The following MUC7 variants were observed in gnomAD, a reference collection of about 807,000 sequenced individuals.
MUC7 encodes the protein mucin-7.
In MUC7, 2 loss-of-function variants were observed where a neutral mutation model predicts 2.5. The observed-to-expected ratio is 0.81, with a 90% CI of 0.33 to 2.55. MUC7 has a LOEUF of 2.55. Ranked by LOEUF, MUC7 falls within the 30% of genes most tolerant of loss-of-function variation. The pLI, the probability that MUC7 is intolerant of heterozygous loss-of-function variation, is 0.11. For synonymous variants in MUC7, 133 were observed against 173.4 expected (o/e 0.77, Z 1.83); for missense variants, 408 against 455.6 (o/e 0.90, Z 0.95).
chr4:70,440,867 C>A (rs1733985406), intron 1 of MUC7, among the ~76,000 whole-genome samples: 1 of 152,072 alleles, frequency 6.6e-6, no homozygotes. Flanking sequence ...AGGAAAAAGA[C>A]ATGCTCCCTC....
chr4:70,479,664 G>T (rs900224278), intron 2 of MUC7, among the ~76,000 whole-genome samples: 1 of 152,186 alleles, frequency 6.6e-6, no homozygotes, highest in Non-Finnish European at 1.5e-5. Context: ...CATGAAGTAT[G>T]TTTACAGATA....
intron 1 of MUC7, among the ~76,000 whole-genome samples, chr4:70,450,459 C>A (rs1185618570): frequency 6.6e-6 from 1 of 152,164 alleles, no homozygotes; most frequent in Non-Finnish European, 1.5e-5. Flanking sequence ...TGTGCTGGTA[C>A]CTAAGGTGCA....
chr4:70,450,467 G>A (rs1734253324), intron 1 of MUC7, among the ~76,000 whole-genome samples: 1 of 152,184 alleles, frequency 6.6e-6, no homozygotes, highest in South Asian at 2.1e-4. Context: ...TACCTAAGGT[G>A]CAAGATGAAG....
intron 1 of MUC7, among the ~76,000 whole-genome samples, chr4:70,439,726 A>G (rs76722801): frequency 0.071 from 10,756 of 152,142 alleles, 590 homozygotes; most frequent in East Asian, 0.21. Flanking sequence ...TTTCAATCAA[A>G]TAAGACTGTT....
chr4:70,433,832 GC>G (rs1455105980), intron 1 of MUC7, among the ~76,000 whole-genome samples: 2 of 152,138 alleles, frequency 1.3e-5, no homozygotes, highest in Non-Finnish European at 2.9e-5. Flanking sequence ...TCCAGTTTTT[GC>G]CCATTCAGTA....
At chr4:70,467,077 A>C (rs1734703217) in intron 1 of MUC7, among the ~76,000 whole-genome samples, 1 of 152,212 alleles carries the variant, frequency 6.6e-6, no homozygotes. Context: ...CCACAGTGCA[A>C]TCAAATTAGA....
chr4:70,475,491 G>A (rs558997011), intron 2 of MUC7, among the ~76,000 whole-genome samples: 12 of 152,208 alleles, frequency 7.9e-5, no homozygotes, highest in African/African-American at 2.6e-4. Context: ...AGAAAATGTA[G>A]GAAGTTTAGA....
At chr4:70,436,654 C>T (rs1465494716) in intron 1 of MUC7, among the ~76,000 whole-genome samples, 1 of 152,172 alleles carries the variant, frequency 6.6e-6, no homozygotes, top group East Asian at 1.9e-4. Flanking sequence ...GCTCCTTTAG[C>T]TCAGAGAAGT....
chr4:70,446,981 ATTT>A (rs753237864), intron 1 of MUC7, among the ~76,000 whole-genome samples: 2 of 142,284 alleles, frequency 1.4e-5, no homozygotes, highest in African/African-American at 5.2e-5. Context: ...CAAAAATAAC[ATTT>A]TACAAGAAAT....
intron 1 of MUC7, among the ~76,000 whole-genome samples, chr4:70,463,999 G>A (rs1734619853): frequency 2.7e-5 from 4 of 150,358 alleles, no homozygotes; most frequent in Non-Finnish European, 5.9e-5. Context: ...GCAGCTCCCA[G>A]TGAGATCAAC....
chr4:70,472,897 T>G (rs944365543), intron 1 of MUC7, among the ~76,000 whole-genome samples: 5 of 152,216 alleles, frequency 3.3e-5, no homozygotes, highest in African/African-American at 1.2e-4. Context: ...GTCTATATGA[T>G]TTAACCTTTA....
chr4:70,445,576 C>T (rs957490639), intron 1 of MUC7, among the ~76,000 whole-genome samples: 12 of 152,160 alleles, frequency 7.9e-5, no homozygotes, highest in Non-Finnish European at 1.5e-4. Flanking sequence ...CAGCACAGCA[C>T]CTAGTCCTCC....
chr4:70,447,926 G>GC (rs1186038038), intron 1 of MUC7, among the ~76,000 whole-genome samples: 1 of 151,982 alleles, frequency 6.6e-6, no homozygotes, highest in East Asian at 1.9e-4. Context: ...ATCCACACGT[G>GC]CCCCCAACTC....
intron 1 of MUC7, among the ~76,000 whole-genome samples, chr4:70,438,502 G>T (rs1424870303): frequency 1.3e-5 from 2 of 152,106 alleles, no homozygotes; most frequent in Non-Finnish European, 2.9e-5. Flanking sequence ...CTGTCACCAG[G>T]TTGGAGTGCA....
intron 1 of MUC7, among the ~76,000 whole-genome samples, chr4:70,434,281 T>A (rs924344788): frequency 1.3e-5 from 2 of 152,202 alleles, no homozygotes; most frequent in Admixed American, 1.3e-4. Context: ...ATTGGAATAG[T>A]TTCAGAAAGA....
At chr4:70,439,216 T>C (rs745867182) in intron 1 of MUC7, among the ~76,000 whole-genome samples, 7 of 152,168 alleles carry the variant, frequency 4.6e-5, no homozygotes, top group Non-Finnish European at 1.0e-4. Context: ...AGTGATGATA[T>C]TGGAGTAGAG....
intron 1 of MUC7, among the ~76,000 whole-genome samples, chr4:70,436,775 G>A (rs113861845): frequency 0.013 from 1,954 of 152,248 alleles, 44 homozygotes; most frequent in African/African-American, 0.044. Flanking sequence ...AGGAAAAGAG[G>A]CGTTTTGGTT....
rs550687848 is a variant in MUC7 at position 70,464,306 on chromosome 4, C to T, written c.-92-7909C>T. Reference sequence around the variant, plus strand: ...TACCACCAGGGCCCAGGGTTTCAAGCGCAAAATTGGGTGGTCATTTGGGCA... The same window carrying T: ...TACCACCAGGGCCCAGGGTTTCAAGTGCAAAATTGGGTGGTCATTTGGGCA... On this transcript the variant is annotated intron_variant, in intron 1 of 3. Transcript: ENST00000413702. 1.2e-3 allele frequency among the ~76,000 whole-genome samples: 190 copies of T among 152,238 alleles called. 1 individual carries two copies. Among genetic ancestry groups the T allele is most frequent in the African/African-American group, 4.0e-3 (166 of 41,544 alleles).
intron 1 of MUC7, among the ~76,000 whole-genome samples, chr4:70,461,753 T>C (rs1361242740): frequency 6.6e-6 from 1 of 151,806 alleles, no homozygotes; most frequent in Non-Finnish European, 1.5e-5. Flanking sequence ...TAGATTAGAT[T>C]AGGTTTTGCT....
Sources: allele counts gnomAD v4.1 joint callset (sites outside exome capture counted in the v4.1 genomes callset), GRCh38; gene constraint gnomAD v4.1.1; transcripts MANE v1.5; gene names NCBI Gene and HGNC (gene_info 2026-07-23, HGNC 2026-07-21).